The following MINK1 variants were observed in gnomAD, a reference collection of about 807,000 sequenced individuals.
MINK1 encodes the protein misshapen like kinase 1, also known as misshapen-like kinase 1.
A neutral mutation model predicts 178.4 loss-of-function variants in MINK1; 46 were observed. The observed-to-expected ratio is 0.26, with a 90% CI of 0.20 to 0.33. MINK1 has a LOEUF of 0.33. Among genes scored for constraint, MINK1 ranks in the 10% least tolerant of loss-of-function variants. The pLI is 1.00. For synonymous variants in MINK1, 797 were observed against 709.7 expected (o/e 1.12, Z -1.96); for missense variants, 1,366 against 1,814.9 (o/e 0.75, Z 4.49).
intron 1 of MINK1, among the ~76,000 whole-genome samples, chr17:4,874,339 T>C (rs12150370): frequency 0.14 from 20,563 of 152,228 alleles, 1,692 homozygotes; most frequent in African/African-American, 0.24. Flanking sequence ...GAGGCACTCA[T>C]TCAGAAGATA....
intron 1 of MINK1, among the ~76,000 whole-genome samples, chr17:4,849,667 G>T (rs1218838344): frequency 6.6e-6 from 1 of 152,132 alleles, no homozygotes; most frequent in African/African-American, 2.4e-5. Context: ...CCATCTCCTG[G>T]TTTAAGCGAT....
Position 4,886,081 on chromosome 17 carries a change from T to A in MINK1, c.695-39T>A, listed in dbSNP as rs755550556. 11 of 1,611,616 alleles carry A rather than the reference T, an allele frequency of 6.8e-6. No individual in the cohort carries two copies. In the African/African-American group the frequency reaches 1.5e-4, roughly 22 times the overall value. On this transcript the variant is annotated intron_variant, in intron 8 of 31. Transcript: ENST00000355280. This position sits in a 1 kb window ranked among gnomAD's most constrained non-coding sequence, Gnocchi z 6.1. The stretch of plus-strand genomic sequence containing the variant: ...CGAGGAAGGGTCCTGTAGCTCCCAG[T>A]GCAGTGAAAGGGACTGAGGGTGTCT...
chr17:4,883,771 C>T (rs1233412888), intron 4 of MINK1, among the ~76,000 whole-genome samples: 1 of 149,706 alleles, frequency 6.7e-6, no homozygotes, highest in Admixed American at 6.7e-5. Context: ...AACTCCTGAC[C>T]TTGTGATCCA....
chr17:4,859,139 G>A, intron 1 of MINK1: 1 of 985,450 alleles, frequency 1.0e-6, no homozygotes, highest in South Asian at 4.7e-5. Context: ...CGAAGCACAG[G>A]AGAGACCAGT....
At position 4,871,519 on chromosome 17, in the gene MINK1, C is replaced by G. The variant is rs181807530; in HGVS notation, c.58-6798C>G. Among the ~76,000 whole-genome samples the G allele has an allele frequency of 4.6e-3, 703 of 152,108 alleles. 5 individuals carry two copies. Among genetic ancestry groups the G allele is most frequent in the Middle Eastern group, 6.8e-3 (2 of 294 alleles). ...GAGCCACCATACCTGGTCTTCATTT[C>G]TTTTTATTGCCAATATCATTCTATT... is the stretch of plus-strand genomic sequence containing the variant. On this transcript the variant is annotated intron_variant, in intron 1 of 31. Transcript: ENST00000355280.
intron 1 of MINK1, among the ~76,000 whole-genome samples, chr17:4,852,214 G>A (rs1279768091): frequency 6.6e-6 from 1 of 152,058 alleles, no homozygotes; most frequent in Non-Finnish European, 1.5e-5. Context: ...GCTGCATTAA[G>A]GAAGGAGGGA....
chr17:4,867,626 C>G (rs1467099439), intron 1 of MINK1, among the ~76,000 whole-genome samples: 1 of 151,924 alleles, frequency 6.6e-6, no homozygotes, highest in Non-Finnish European at 1.5e-5. Context: ...ATGGCGAAAC[C>G]CCATCTCTAC....
At chr17:4,890,309 G>C (rs1567612726) in intron 13 of MINK1, 1 of 1,413,770 alleles carries the variant, frequency 7.1e-7, no homozygotes, top group Non-Finnish European at 9.2e-7. Flanking sequence ...CCTGCTGCTG[G>C]TAACGGGTCC....
intron 1 of MINK1, chr17:4,869,025 G>C (rs1424216099): frequency 6.5e-6 from 1 of 153,754 alleles, no homozygotes; most frequent in Non-Finnish European, 1.5e-5. Context: ...CCAGGTTCAC[G>C]CCATTCTCCT....
chr17:4,886,212 A>G lies in MINK1; in HGVS notation c.773+14A>G, dbSNP rs552822377. On this transcript the variant is annotated intron_variant, in intron 9 of 31. Transcript: ENST00000355280. The surrounding 1 kb of genome is among the most constrained non-coding windows in gnomAD (Gnocchi z 6.1). The stretch of plus-strand genomic sequence containing the variant: ...GTCCAAGAAGTGGTAGGTCTCTGAG[A>G]GTGTGGGCTCTGGGAAGGAAGGTCC... 48 of 1,613,074 alleles carry G rather than the reference A, an allele frequency of 3.0e-5. No homozygotes were observed. The South Asian group carries it at 4.7e-4, about 16-fold the overall frequency.
In MINK1 at chr17:4,887,082, A is replaced by G; in HGVS notation, c.950-28A>G. On this transcript the variant is annotated intron_variant, in intron 10 of 31. Coordinates refer to ENST00000355280, the MANE Select transcript of MINK1 (RefSeq NM_153827.5). The surrounding 1 kb of genome is among the most constrained non-coding windows in gnomAD (Gnocchi z 7.6). ...CACGGCGGGTCTGGGGCGCTGGGTGAGATAACTGCAGTGGCCTCCCCCTGC... is the reference window on the plus strand; with the variant it reads ...CACGGCGGGTCTGGGGCGCTGGGTGGGATAACTGCAGTGGCCTCCCCCTGC... The G allele has an allele frequency of 2.6e-6, 4 of 1,564,190 alleles. No homozygotes were observed. Among genetic ancestry groups the G allele is most frequent in the Non-Finnish European group, 3.5e-6 (4 of 1,153,682 alleles).
chr17:4,892,852 G>A, intron 19 of MINK1, 84 bp downstream of exon 19: 1 of 1,405,832 alleles, frequency 7.1e-7, no homozygotes. Context: ...TTGGACTGGG[G>A]CACCCACACG....
intron 1 of MINK1, chr17:4,860,906 A>G (rs1914070607): frequency 2.2e-6 from 1 of 452,232 alleles, no homozygotes; most frequent in African/African-American, 2.0e-5. Context: ...TACACTTGAA[A>G]TAGTTAAAGG....
intron 1 of MINK1, among the ~76,000 whole-genome samples, chr17:4,876,006 AG>A (rs1967151668): frequency 6.6e-6 from 1 of 151,980 alleles, no homozygotes; most frequent in African/African-American, 2.4e-5. Flanking sequence ...CATGTTAGCC[AG>A]GATGGTCTCG....
chr17:4,884,802 G>C (rs910560105), intron 5 of MINK1, 110 bp from the exon 6 acceptor site: 5 of 954,226 alleles, frequency 5.2e-6, no homozygotes, highest in African/African-American at 3.2e-5. Context: ...TGCTCCTTCA[G>C]CCCAGCCCTG....
chr17:4,893,032 C>A lies in MINK1; in HGVS notation c.2365C>A (p.Pro789Thr). ...PVLSPGNKAK[P>T]DDHRSRPGRP... ...GCTCTCCCCTGGGAATAAAGCCAAG[C>A]CCGACGACCACCGCTCACGGCCAGG... The change falls in exon 20 of 32, where the codon CCC becomes ACC. Residue 789 changes from proline to threonine, a missense_variant. By Grantham distance (38) the Pro-to-Thr change is conservative. Around this residue, in one of 14 missense-constraint regions of MINK1, gnomAD observed 709 missense variants for 692.3 expected, o/e 1.02. Transcript: ENST00000355280. The A allele has an allele frequency of 6.3e-7, 1 of 1,577,700 alleles. No homozygotes were observed. The highest frequency in any genetic ancestry group is 2.4e-5 in the East Asian group (1 of 42,078).
At chr17:4,884,330 A>G (rs1273565918) in intron 4 of MINK1, 33 bp from the exon 5 acceptor site, 2 of 1,575,984 alleles carry the variant, frequency 1.3e-6, no homozygotes, top group Non-Finnish European at 1.7e-6. Context: ...TCTGACTGAT[A>G]CTTTTCCTTT....
At chr17:4,857,964 C>A (rs190648932) in intron 1 of MINK1, among the ~76,000 whole-genome samples, 1 of 152,228 alleles carries the variant, frequency 6.6e-6, no homozygotes, top group African/African-American at 2.4e-5. Context: ...GTTGGGGAGA[C>A]CCCATCTGTC....
chr17:4,893,269 C>A, intron 20 of MINK1, 165 bp from the exon 21 acceptor site: 1 of 1,613,628 alleles, frequency 6.2e-7, no homozygotes, highest in Non-Finnish European at 8.5e-7. Flanking sequence ...TCTTTCTTCC[C>A]CTGCGGCCCC....
Sources: allele counts gnomAD v4.1 joint callset (sites outside exome capture counted in the v4.1 genomes callset), GRCh38; gene constraint gnomAD v4.1.1; regional missense constraint gnomAD v4.1.1; non-coding constraint Gnocchi (gnomAD v3.1); transcripts MANE v1.5; gene names NCBI Gene and HGNC (gene_info 2026-07-23, HGNC 2026-07-21).